Variants in ABCG2 observed in about 807,000 individuals in gnomAD.
ABCG2 encodes the protein broad substrate specificity ATP-binding cassette transporter ABCG2.
In ABCG2, 80 loss-of-function variants were observed where a neutral mutation model predicts 73.5. The ratio of observed to expected loss-of-function variants is 1.09; its 90% confidence interval spans 0.91 to 1.31. The LOEUF (loss-of-function observed/expected upper bound fraction) is 1.31, where lower values mean the gene tolerates loss of function less well. ABCG2 is among the 50% of genes most tolerant of loss of function. The pLI, the probability that ABCG2 is intolerant of heterozygous loss-of-function variation, is 0.00. For missense variants in ABCG2, 796 were observed against 786.2 expected (o/e 1.01, Z -0.15); for synonymous variants, 269 against 282.4 (o/e 0.95, Z 0.48).
At chr4:88,201,406 C>T (rs984872338) in intron 1 of ABCG2, among the ~76,000 whole-genome samples, 1 of 152,110 alleles carries the variant, frequency 6.6e-6, no homozygotes, top group Admixed American at 6.6e-5. Context: ...TGGACCAATT[C>T]CTTGAAAGAT....
intron 11 of ABCG2, among the ~76,000 whole-genome samples, chr4:88,100,554 A>G (rs2622613): frequency 0.83 from 124,959 of 151,406 alleles, 53,944 homozygotes; most frequent in Non-Finnish European, 0.97. Context: ...GGAGGCCGAG[A>G]TGGGAGGACT....
At position 88,113,303 on chromosome 4, in the gene ABCG2, C is replaced by T. The variant is rs545664738; in HGVS notation, c.1194G>A (p.Gln398=). The T allele has an allele frequency of 4.8e-5, 77 of 1,612,332 alleles. No individual in the cohort carries two copies. The South Asian group carries it at 7.4e-4, about 15-fold the overall frequency. Residue 398 remains glutamine, a splice_region_variant and synonymous_variant, in exon 9 of 16, where the codon CAG becomes CAA. Coordinates refer to ENST00000237612, the MANE Select transcript of ABCG2 (RefSeq NM_004827.3). ...LLGNPQASIA[Q]IIVTVVLGLV... ...TATTTCAAAAGAATCTGCTGGTTAC[C>T]TGAGCTATAGAGGCCTGGGGATTAC...
At chr4:88,198,558 A>C (rs1188313946) in intron 1 of ABCG2, among the ~76,000 whole-genome samples, 1 of 152,064 alleles carries the variant, frequency 6.6e-6, no homozygotes, top group African/African-American at 2.4e-5. Context: ...ACTTGAGCCC[A>C]GGAGTTTGAG....
chr4:88,178,883 A>G (rs536340051), intron 1 of ABCG2, among the ~76,000 whole-genome samples: 2 of 152,252 alleles, frequency 1.3e-5, no homozygotes, highest in African/African-American at 4.8e-5. Flanking sequence ...TCAGTGGAAT[A>G]CAGAACCTGG....
chr4:88,148,572 C>T (rs534811888), intron 1 of ABCG2, among the ~76,000 whole-genome samples: 2 of 152,228 alleles, frequency 1.3e-5, no homozygotes, highest in East Asian at 3.9e-4. Context: ...ATATCCTGAT[C>T]CTACAAGATT....
chr4:88,125,881 C>G (rs1415089436), intron 5 of ABCG2, among the ~76,000 whole-genome samples: 1 of 151,828 alleles, frequency 6.6e-6, no homozygotes, highest in African/African-American at 2.4e-5. Flanking sequence ...ACTAGAGAAG[C>G]AATAGCAAAC....
intron 13 of ABCG2, 108 bp downstream of exon 13, chr4:88,097,327 GCCTTAAGTAAAGCAGAGC>G: frequency 9.6e-7 from 1 of 1,042,328 alleles, no homozygotes; most frequent in Admixed American, 2.8e-5. Flanking sequence ...CCAGTAGATG[GCCTTAAGTAAAGCAGAGC>G]CCCATTTACA....
intron 1 of ABCG2, among the ~76,000 whole-genome samples, chr4:88,216,444 C>G (rs753368217): frequency 3.6e-4 from 55 of 152,222 alleles, no homozygotes; most frequent in Non-Finnish European, 6.2e-4. Flanking sequence ...AAGCCTCTTT[C>G]TCCAGGTATC....
At position 88,165,283 on chromosome 4, in the gene ABCG2, C is replaced by T. The variant is rs559388248; in HGVS notation, c.-19-25269G>A. On this transcript the variant is annotated intron_variant, in intron 1 of 15. Transcript: ENST00000515655. ...CCACAAACTTAGTGGTTTAAGACAA[C>T]ACAAGTATATTACATTTCTATGGGT... Among the ~76,000 whole-genome samples the T allele has an allele frequency of 3.3e-5, 5 of 152,294 alleles. No homozygotes were observed. In the South Asian group the frequency reaches 1.0e-3, roughly 32 times the overall value.
Position 88,199,919 on chromosome 4 carries a change from G to A in ABCG2, c.-20+31075C>T, listed in dbSNP as rs1032021901. ...CGGGAGGCTGAGGCGGGAGAATGGC[G>A]TGAACCCGGCAGGCAGAGCTTGCAG... On this transcript the variant is annotated intron_variant, in intron 1 of 15. Transcript: ENST00000515655. Among the ~76,000 whole-genome samples the A allele has an allele frequency of 3.3e-5, 5 of 152,274 alleles. No homozygotes were observed. The East Asian group carries it at 5.8e-4, about 18-fold the overall frequency.
At chr4:88,115,766 C>T (rs1478720550) in intron 7 of ABCG2, among the ~76,000 whole-genome samples, 1 of 152,088 alleles carries the variant, frequency 6.6e-6, no homozygotes, top group Non-Finnish European at 1.5e-5. Flanking sequence ...CTTAACAGTA[C>T]TTCCTCAAAA....
intron 1 of ABCG2, among the ~76,000 whole-genome samples, chr4:88,228,103 G>A (rs1442718255): frequency 6.6e-6 from 1 of 152,206 alleles, no homozygotes; most frequent in East Asian, 1.9e-4. Context: ...TGTACAGTTG[G>A]ATAATGTGGT....
chr4:88,183,086 TAAAAAAAAAAAA>T (rs57261009), intron 1 of ABCG2, among the ~76,000 whole-genome samples: 50 of 68,936 alleles, frequency 7.3e-4, no homozygotes, highest in African/African-American at 2.9e-3. Context: ...CTCCGTCTCA[TAAAAAAAAAAAA>T]AAAAAAAAAA....
upstream of ABCG2, among the ~76,000 whole-genome samples, chr4:88,162,660 C>T (rs974106298): frequency 4.6e-5 from 7 of 152,102 alleles, no homozygotes; most frequent in African/African-American, 1.4e-4. Flanking sequence ...AGAAATGAGT[C>T]ATTTTAACTT....
chr4:88,120,248 G>A lies in ABCG2; in HGVS notation c.689+1387C>T, dbSNP rs567577891. 5.3e-5 allele frequency among the ~76,000 whole-genome samples: 8 copies of A among 152,354 alleles called. No homozygotes were observed. The East Asian group carries it at 1.5e-3, about 29-fold the overall frequency. Reference sequence around the variant, plus strand: ...TCAACTTTAGGGGTGGAGCCCTCATGGAGAACCTCTGCTAGGGCACTGCAG... The same window carrying A: ...TCAACTTTAGGGGTGGAGCCCTCATAGAGAACCTCTGCTAGGGCACTGCAG... On this transcript the variant is annotated intron_variant, in intron 6 of 15. Coordinates refer to ENST00000237612, the MANE Select transcript of ABCG2 (RefSeq NM_004827.3).
intron 1 of ABCG2, among the ~76,000 whole-genome samples, chr4:88,151,105 G>T (rs1226209601): frequency 6.6e-6 from 1 of 152,194 alleles, no homozygotes; most frequent in African/African-American, 2.4e-5. Flanking sequence ...TAAATAAAAG[G>T]AGTAGTGACT....
At chr4:88,219,110 A>G (rs1199208777) in intron 1 of ABCG2, among the ~76,000 whole-genome samples, 1 of 152,236 alleles carries the variant, frequency 6.6e-6, no homozygotes, top group African/African-American at 2.4e-5. Context: ...TCACTCCACT[A>G]TCACGGCTAA....
At chr4:88,140,914 C>CA (rs1725593247) in intron 1 of ABCG2, among the ~76,000 whole-genome samples, 1 of 151,562 alleles carries the variant, frequency 6.6e-6, no homozygotes, top group Non-Finnish European at 1.5e-5. Context: ...AAAAGTTGAG[C>CA]AAAAATTTAA....
At chr4:88,208,183 T>C (rs148236463) in intron 1 of ABCG2, among the ~76,000 whole-genome samples, 8 of 152,358 alleles carry the variant, frequency 5.3e-5, no homozygotes, top group African/African-American at 1.7e-4. Context: ...GGGATTGCCC[T>C]AGACCACCTC....
Sources: gnomAD v4.1 joint callset for allele counts (sites outside exome capture counted in the v4.1 genomes callset) on GRCh38, gnomAD v4.1.1 for gene constraint, MANE v1.5 for transcripts, NCBI Gene and HGNC (gene_info 2026-07-23, HGNC 2026-07-21) for gene names.